Variants in FAM135B observed in about 807,000 individuals in gnomAD.
FAM135B encodes family with sequence similarity 135 member B.
Under a neutral mutation model 127.7 loss-of-function variants are expected in FAM135B, and 43 were observed. The observed-to-expected ratio is 0.34, with a 90% CI of 0.26 to 0.43. The LOEUF (loss-of-function observed/expected upper bound fraction) is 0.43, where lower values mean the gene tolerates loss of function less well. Among genes scored for constraint, FAM135B ranks in the 20% least tolerant of loss-of-function variants. The probability of loss-of-function intolerance (pLI) is 1.00; values close to 1 mark genes in which losing one functional copy is unlikely to be tolerated. For missense variants in FAM135B, 1,558 were observed against 1,725.6 expected (o/e 0.90, Z 1.72); for synonymous variants, 670 against 665.1 (o/e 1.01, Z -0.11).
chr8:138,138,828 C>T (rs1303575380), intron 18 of FAM135B, among the ~76,000 whole-genome samples, 158 bp downstream of exon 18: 11 of 152,246 alleles, frequency 7.2e-5, no homozygotes, highest in Admixed American at 7.2e-4. Flanking sequence ...TTCCTGGTAG[C>T]TGTTGGCCTC....
intron 5 of FAM135B, among the ~76,000 whole-genome samples, chr8:138,253,107 G>A (rs897424519): frequency 6.6e-6 from 1 of 152,042 alleles, no homozygotes; most frequent in African/African-American, 2.4e-5. Context: ...GGCCAAGAAG[G>A]CTTCTTTTCT....
chr8:138,335,410 T>C (rs1828501153), intron 2 of FAM135B, among the ~76,000 whole-genome samples: 2 of 152,022 alleles, frequency 1.3e-5, no homozygotes, highest in Admixed American at 1.3e-4. Flanking sequence ...GTCATACAAA[T>C]TATCTACAAA....
intron 1 of FAM135B, among the ~76,000 whole-genome samples, chr8:138,480,677 A>G (rs551535216): frequency 4.6e-5 from 7 of 152,358 alleles, no homozygotes; most frequent in South Asian, 2.1e-4. Context: ...AACATGAAAC[A>G]ACACTAGGAT....
At chr8:138,176,166 G>A (rs2130956275) in intron 11 of FAM135B, among the ~76,000 whole-genome samples, 1 of 152,304 alleles carries the variant, frequency 6.6e-6, no homozygotes, top group Non-Finnish European at 1.5e-5. Flanking sequence ...TTGTACAGGG[G>A]GTCAGTGTTG....
intron 7 of FAM135B, among the ~76,000 whole-genome samples, chr8:138,236,678 G>T (rs866005010): frequency 6.6e-6 from 1 of 152,338 alleles, no homozygotes; most frequent in Admixed American, 6.5e-5. Context: ...GTGAATTGAA[G>T]AAGTCCATGC....
chr8:138,260,345 C>A (rs1822446941), intron 4 of FAM135B, among the ~76,000 whole-genome samples: 2 of 152,156 alleles, frequency 1.3e-5, no homozygotes, highest in African/African-American at 4.8e-5. Context: ...ACTGGCAGAG[C>A]AGAATATCTG....
At chr8:138,441,114 C>T (rs1405189271) in intron 1 of FAM135B, 1 of 152,114 alleles carries the variant, frequency 6.6e-6, no homozygotes, top group Admixed American at 6.5e-5. Context: ...AGTGGCTGCT[C>T]CACGTGGCTA....
chr8:138,403,060 G>T (rs903908553), intron 1 of FAM135B, among the ~76,000 whole-genome samples: 5 of 152,168 alleles, frequency 3.3e-5, no homozygotes, highest in Admixed American at 2.0e-4. Context: ...CTTGATCGTG[G>T]AGACCCCAGC....
At chr8:138,143,679 ATATAT>A (rs1176136736) in intron 15 of FAM135B, among the ~76,000 whole-genome samples, 2 of 152,210 alleles carry the variant, frequency 1.3e-5, no homozygotes, top group African/African-American at 2.4e-5. Context: ...AACAAGGAAG[ATATAT>A]TAGATTGGTT....
chr8:138,314,906 G>C (rs919047522), intron 2 of FAM135B, among the ~76,000 whole-genome samples: 2 of 143,952 alleles, frequency 1.4e-5, no homozygotes, highest in Non-Finnish European at 3.0e-5. Flanking sequence ...AAAAAAATTC[G>C]AAGGGCATTT....
In FAM135B at chr8:138,481,767, TCAACTGGTCTCTCCCAG is replaced by T. The variant is rs370053878; in HGVS notation, c.-20+14887_-20+14903del. ...CTGTCCCATCAAATCCAGTGTCTGT[TCAACTGGTCTCTCCCAG>T]CAACTGGTCTCTCCCAGCCTCTTCA... On this transcript the variant is annotated intron_variant, in intron 1 of 19. Transcript: ENST00000395297. 8.2e-3 allele frequency among the ~76,000 whole-genome samples: 1,245 copies of T among 152,288 alleles called. 6 individuals carry two copies. Among genetic ancestry groups the T allele is most frequent in the Non-Finnish European group, 0.014 (975 of 68,018 alleles).
chr8:138,482,817 T>C (rs1461917845), intron 1 of FAM135B, among the ~76,000 whole-genome samples: 2 of 152,296 alleles, frequency 1.3e-5, no homozygotes, highest in East Asian at 1.9e-4. Context: ...TCCACTCACA[T>C]TGGGTCTCTT....
At chr8:138,464,303 T>C (rs1185269370) in intron 1 of FAM135B, among the ~76,000 whole-genome samples, 4 of 152,052 alleles carry the variant, frequency 2.6e-5, no homozygotes, top group Non-Finnish European at 5.9e-5. Context: ...CAAATGGACA[T>C]CTCTTTGGTC....
rs748204152 is a variant in FAM135B at position 138,153,083 on chromosome 8, G to T, written c.1392C>A (p.Thr464=). 5 of 1,614,060 alleles carry T rather than the reference G, an allele frequency of 3.1e-6. No homozygotes were observed. Among genetic ancestry groups the T allele is most frequent in the Non-Finnish European group, 4.2e-6 (5 of 1,179,988 alleles). The change falls in exon 13 of 20, where the codon ACC becomes ACA. Residue 464 remains threonine (T), a synonymous_variant. Coordinates refer to ENST00000395297, the MANE Select transcript of FAM135B (RefSeq NM_015912.4). ...CAGAATCCATTTGGGATGGTTTTAT[G>T]GTAGACAAGACAAGGTCTTCCCTAA... ...LSFREDLVLS[T]IKPSQMDSDE...
intron 7 of FAM135B, among the ~76,000 whole-genome samples, chr8:138,220,314 G>A (rs1818928810): frequency 6.6e-6 from 1 of 152,126 alleles, no homozygotes; most frequent in African/African-American, 2.4e-5. Flanking sequence ...TAATTCAAAT[G>A]TCACTCTAAT....
At chr8:138,450,892 T>A (rs889403804) in intron 1 of FAM135B, 1 of 152,224 alleles carries the variant, frequency 6.6e-6, no homozygotes, top group African/African-American at 2.4e-5. Context: ...ACGTGAATTA[T>A]CTAATTTACA....
rs1022240633 is a variant in FAM135B, at chr8:138,234,331, T to A, written c.669+8611A>T. Among the ~76,000 whole-genome samples the A allele has an allele frequency of 2.0e-5, 3 of 152,212 alleles. 1 individual carries two copies. Among genetic ancestry groups the A allele is most frequent in the South Asian group, 4.1e-4 (2 of 4,828 alleles). ...GCGGCTTCTCAAATTGCTAAAAATATAATTATTATGTGATCCAGAAATCCC... is the reference window on the plus strand; with the variant it reads ...GCGGCTTCTCAAATTGCTAAAAATAAAATTATTATGTGATCCAGAAATCCC... On this transcript the variant is annotated intron_variant, in intron 7 of 19. Transcript: ENST00000395297.
chr8:138,452,124 C>CTTTTT (rs1158033996), intron 1 of FAM135B, among the ~76,000 whole-genome samples: 92 of 104,118 alleles, frequency 8.8e-4, no homozygotes, highest in Non-Finnish European at 1.1e-3. Context: ...ACCCAATCTG[C>CTTTTT]TTTTTTTTTT....
At chr8:138,409,831 C>T (rs921275463) in intron 1 of FAM135B, among the ~76,000 whole-genome samples, 26 of 144,506 alleles carry the variant, frequency 1.8e-4, no homozygotes, top group Admixed American at 5.8e-4. Flanking sequence ...ACCGAGATCG[C>T]GCCATTGCAC....
Sources: gnomAD v4.1 joint callset for allele counts (sites outside exome capture counted in the v4.1 genomes callset) on GRCh38, gnomAD v4.1.1 for gene constraint, MANE v1.5 for transcripts, NCBI Gene and HGNC (gene_info 2026-07-23, HGNC 2026-07-21) for gene names.